The following CPNE3 variants were observed in gnomAD, a reference collection of about 807,000 sequenced individuals.
CPNE3 encodes copine-3.
A neutral mutation model predicts 63.9 loss-of-function variants in CPNE3; 68 were observed. That is an observed-to-expected ratio of 1.06 (90% CI 0.87 to 1.30). The LOEUF (loss-of-function observed/expected upper bound fraction) is 1.30. Ranked by LOEUF, CPNE3 falls within the 50% of genes most tolerant of loss-of-function variation. CPNE3 has a pLI of 0.00. For synonymous variants in CPNE3, 219 were observed against 197.5 expected (o/e 1.11, Z -0.91); for missense variants, 665 against 578.1 (o/e 1.15, Z -1.54).
rs1418416910 is a variant in CPNE3 at position 86,553,113 on chromosome 8, C to T, written c.1121-1738C>T. ...TGCTGACCTCTTGTGATCTACCTGC[C>T]TCTGCCTCCCGAAGTGCTGAGATTA... is the stretch of plus-strand genomic sequence containing the variant. On this transcript the variant is annotated intron_variant, in intron 14 of 16. Coordinates refer to ENST00000517490, the MANE Select transcript of CPNE3 (RefSeq NM_003909.5). Among the ~76,000 whole-genome samples, 3 of 151,808 alleles carry T rather than the reference C, an allele frequency of 2.0e-5. No individual in the cohort carries two copies. The East Asian group carries it at 5.9e-4, about 30-fold the overall frequency.
intron 7 of CPNE3, among the ~76,000 whole-genome samples, chr8:86,538,199 A>C (rs989494281): frequency 2.6e-5 from 4 of 152,096 alleles, no homozygotes; most frequent in Non-Finnish European, 5.9e-5. Flanking sequence ...ACATGGTGAA[A>C]CCCCGTCTCT....
chr8:86,519,958 C>T (rs1023136035), intron 2 of CPNE3, among the ~76,000 whole-genome samples: 22 of 152,000 alleles, frequency 1.4e-4, no homozygotes, highest in Admixed American at 3.3e-4. Context: ...ACCATCCGCC[C>T]GCCTCAGCCT....
chr8:86,523,303 C>T (rs992102144), intron 2 of CPNE3, among the ~76,000 whole-genome samples: 2 of 152,166 alleles, frequency 1.3e-5, no homozygotes, highest in Non-Finnish European at 2.9e-5. Flanking sequence ...GCAGAGGTGA[C>T]ACATCCAAAT....
intron 10 of CPNE3, 150 bp from the exon 11 acceptor site, chr8:86,547,561 G>A (rs1821079791): frequency 2.5e-5 from 15 of 590,138 alleles, no homozygotes; most frequent in Non-Finnish European, 4.5e-5. Flanking sequence ...CATAGGGGAA[G>A]GGGTATCTTA....
intron 14 of CPNE3, among the ~76,000 whole-genome samples, chr8:86,553,792 G>C (rs953602951): frequency 1.4e-5 from 2 of 145,924 alleles, no homozygotes; most frequent in Non-Finnish European, 3.0e-5. Context: ...GATGATCTCA[G>C]CAAGTATTGT....
chr8:86,516,888 A>G (rs1045402126), intron 2 of CPNE3, among the ~76,000 whole-genome samples: 1 of 152,210 alleles, frequency 6.6e-6, no homozygotes, highest in Non-Finnish European at 1.5e-5. Flanking sequence ...GATGTGAAAA[A>G]TGATTATATG....
At chr8:86,541,439 C>A (rs1346791868) in intron 8 of CPNE3, among the ~76,000 whole-genome samples, 1 of 152,066 alleles carries the variant, frequency 6.6e-6, no homozygotes, top group South Asian at 2.1e-4. Context: ...CATGGTGGCT[C>A]AGGCCTATAA....
intron 12 of CPNE3, among the ~76,000 whole-genome samples, chr8:86,549,952 TG>T (rs1226700650): frequency 2.0e-5 from 3 of 152,208 alleles, no homozygotes; most frequent in African/African-American, 4.8e-5. Flanking sequence ...CTAGCTCAGG[TG>T]TTCTATTATT....
chr8:86,532,316 G>A (rs1444484314), intron 5 of CPNE3, among the ~76,000 whole-genome samples, 193 bp from the exon 6 acceptor site: 1 of 152,080 alleles, frequency 6.6e-6, no homozygotes, highest in Middle Eastern at 3.2e-3. Flanking sequence ...CATATTTTGG[G>A]AAAATCTTTA....
Position 86,549,393 on chromosome 8 carries a change from G to A in CPNE3, c.1013+959G>A, listed in dbSNP as rs542265382. On this transcript the variant is annotated intron_variant, in intron 12 of 16. Coordinates refer to ENST00000517490, the MANE Select transcript of CPNE3 (RefSeq NM_003909.5). ...TTAAAAAATTAATAATTTCTCACTA[G>A]CAGATATTAAAAGTATTATTGCAAT... 5.3e-5 allele frequency among the ~76,000 whole-genome samples: 8 copies of A among 152,264 alleles called. No individual in the cohort carries two copies. In the South Asian group the frequency reaches 1.7e-3, roughly 32 times the overall value.
intron 4 of CPNE3, 148 bp from the exon 5 acceptor site, chr8:86,531,007 A>T (rs1023679378): frequency 3.3e-6 from 2 of 603,328 alleles, no homozygotes; most frequent in Non-Finnish European, 6.0e-6. Context: ...TATGTAGATG[A>T]TCTAAATCTT....
At chr8:86,544,700 T>G in intron 8 of CPNE3, 40 bp from the exon 9 acceptor site, 1 of 1,035,542 alleles carries the variant, frequency 9.7e-7, no homozygotes, top group African/African-American at 1.7e-5. Flanking sequence ...TTAATAAAAC[T>G]ATATTGATTT....
rs1821316842 is a variant in CPNE3 at position 86,556,029 on chromosome 8, T to C, written c.1255-73T>C. ...AGGAAAATGAACAAGAAAGACTGGA[T>C]GACTCATCAAGCCAGAGATGCCATT... On this transcript the variant is annotated intron_variant, in intron 15 of 16. Transcript: ENST00000517490. 2.4e-5 allele frequency: 19 copies of C among 793,044 alleles called. No homozygotes were observed. In the South Asian group the frequency reaches 2.5e-4, roughly 10 times the overall value. The allele number at this position is 793,044 out of a possible 1,614,324, so 49.1% of individuals were successfully genotyped here. A position where few individuals can be genotyped will look rare whatever the true frequency, so the allele number is the denominator to read the frequency against.
At chr8:86,533,019 CT>C (rs1225423970) in intron 6 of CPNE3, among the ~76,000 whole-genome samples, 1 of 145,244 alleles carries the variant, frequency 6.9e-6, no homozygotes, top group African/African-American at 2.6e-5. Context: ...ATTCTTTTAT[CT>C]ATCTTATCTA....
At chr8:86,526,221 C>A (rs1303370290) in intron 2 of CPNE3, among the ~76,000 whole-genome samples, 1 of 151,310 alleles carries the variant, frequency 6.6e-6, no homozygotes, top group Non-Finnish European at 1.5e-5. Flanking sequence ...GAGCAAGACT[C>A]CGTCTCAAAA....
At chr8:86,550,318 A>G (rs1464353763) in intron 12 of CPNE3, among the ~76,000 whole-genome samples, 4 of 152,168 alleles carry the variant, frequency 2.6e-5, no homozygotes, top group Non-Finnish European at 5.9e-5. Context: ...GTGCAGTCAC[A>G]GTTCACTGCA....
rs555600440 is a variant in CPNE3 at position 86,543,282 on chromosome 8, C to T, written c.634-1458C>T. 2.6e-5 allele frequency among the ~76,000 whole-genome samples: 4 copies of T among 152,200 alleles called. No individual in the cohort carries two copies. The South Asian group carries it at 8.3e-4, about 32-fold the overall frequency. Reference sequence around the variant, plus strand: ...GCATTTTCTTAAAAAAATAAAATCCCTTTCTGTTACTCAAAATTGAAATTC... The same window carrying T: ...GCATTTTCTTAAAAAAATAAAATCCTTTTCTGTTACTCAAAATTGAAATTC... On this transcript the variant is annotated intron_variant, in intron 8 of 16. Coordinates refer to ENST00000517490, the MANE Select transcript of CPNE3 (RefSeq NM_003909.5).
intron 6 of CPNE3, among the ~76,000 whole-genome samples, chr8:86,534,997 A>G (rs1380046837): frequency 6.6e-6 from 1 of 152,144 alleles, no homozygotes; most frequent in African/African-American, 2.4e-5. Context: ...AAGTTATTCC[A>G]ATTTTGGCCT....
At chr8:86,538,490 A>G (rs1355280237) in intron 7 of CPNE3, among the ~76,000 whole-genome samples, 1 of 152,236 alleles carries the variant, frequency 6.6e-6, no homozygotes, top group Admixed American at 6.5e-5. Context: ...TATTTGGTAT[A>G]CCATTAATCT....
Sources: allele counts gnomAD v4.1 joint callset (sites outside exome capture counted in the v4.1 genomes callset), GRCh38; gene constraint gnomAD v4.1.1; transcripts MANE v1.5; gene names NCBI Gene and HGNC (gene_info 2026-07-23, HGNC 2026-07-21).